TRAF3: variants seen among roughly 807,000 people sequenced by gnomAD.
The protein encoded by TRAF3 is TNF receptor-associated factor 3.
TRAF3 carries 13 observed loss-of-function variants against 62.3 expected under a neutral mutation model. That is an observed-to-expected ratio of 0.21 (90% confidence interval 0.14 to 0.33). The LOEUF is 0.33. TRAF3 is among the 10% of genes least tolerant of loss of function. The pLI is 1.00. For missense variants in TRAF3, 440 were observed against 741.8 expected (o/e 0.59, Z 4.73); for synonymous variants, 269 against 283.4 (o/e 0.95, Z 0.51).
chr14:102,789,208 AT>A (rs1178326910), intron 1 of TRAF3, among the ~76,000 whole-genome samples: 2 of 152,126 alleles, frequency 1.3e-5, no homozygotes, highest in Non-Finnish European at 2.9e-5. Context: ...GTTCCTTTTT[AT>A]TGCTGAATCA....
rs76663820 is a variant in TRAF3, at chr14:102,784,215, CTTTTTTTTTTT to C, written c.-157+6557_-157+6567del. On this transcript the variant is annotated intron_variant, in intron 1 of 11. Coordinates refer to ENST00000392745, the MANE Select transcript of TRAF3 (RefSeq NM_145725.3). Reference sequence around the variant, plus strand: ...GTTTGCTCCTGGGAAGATGCTTGGCCTTTTTTTTTTTTTTTTTTTTTTTTTTTGAGGTGGAG... The same window carrying C: ...GTTTGCTCCTGGGAAGATGCTTGGCCTTTTTTTTTTTTTTTTGAGGTGGAG... 1.4e-4 allele frequency among the ~76,000 whole-genome samples: 17 copies of C among 117,648 alleles called. No homozygotes were observed. The East Asian group carries it at 4.3e-3, about 30-fold the overall frequency. The allele number at this position is 117,648 out of a possible 152,430, so 77.2% of individuals were successfully genotyped here. A position where few individuals can be genotyped will look rare whatever the true frequency, so the allele number is the denominator to read the frequency against.
At position 102,903,095 on chromosome 14, in the gene TRAF3, G is replaced by A. The variant is rs761747604; in HGVS notation, c.961-160G>A. On this transcript the variant is annotated intron_variant, in intron 10 of 11. Coordinates refer to ENST00000392745, the MANE Select transcript of TRAF3 (RefSeq NM_145725.3). This position sits in a 1 kb window ranked among gnomAD's most constrained non-coding sequence, Gnocchi z 6.4. ...ATCCCAGGGAGCTCCCAGGAGGCCT[G>A]ATGCAGAGCCCCACTCCTGGAGTCA... 4.2e-5 allele frequency: 40 copies of A among 960,798 alleles called. No individual in the cohort carries two copies. In the African/African-American group the frequency reaches 4.8e-4, roughly 12 times the overall value. The allele number at this position is 960,798 out of a possible 1,614,324, so 59.5% of individuals were successfully genotyped here.
chr14:102,901,480 C>T (rs988165440), intron 10 of TRAF3, among the ~76,000 whole-genome samples: 3 of 152,150 alleles, frequency 2.0e-5, no homozygotes, highest in African/African-American at 7.2e-5. Flanking sequence ...GAGAGGCTTC[C>T]GGTGCTCACT....
rs144857148 is a variant in TRAF3, at chr14:102,859,808, C to T, written c.-17-10377C>T. Among the ~76,000 whole-genome samples, 870 of 152,232 alleles carry T rather than the reference C, an allele frequency of 5.7e-3. 9 individuals carry two copies. Among genetic ancestry groups the T allele is most frequent in the Admixed American group, 9.8e-3 (150 of 15,280 alleles). ...AGTAGTTGTAAGGTTTTTCCTTTGC[C>T]AGTTTCTTAATTGGATTAGTGGCTT... On this transcript the variant is annotated intron_variant, in intron 2 of 11. Coordinates refer to ENST00000392745, the MANE Select transcript of TRAF3 (RefSeq NM_145725.3).
At chr14:102,891,505 G>A in intron 9 of TRAF3, 88 bp downstream of exon 9, 1 of 1,389,526 alleles carries the variant, frequency 7.2e-7, no homozygotes, top group South Asian at 1.2e-5. Flanking sequence ...TTATTAATGG[G>A]TTTTGGATAA....
At chr14:102,884,085 T>C (rs746178939) in intron 6 of TRAF3, among the ~76,000 whole-genome samples, 1 of 152,216 alleles carries the variant, frequency 6.6e-6, no homozygotes, top group Non-Finnish European at 1.5e-5. Context: ...ATTTATCCTG[T>C]CATAGTTCTG....
intron 11 of TRAF3, among the ~76,000 whole-genome samples, chr14:102,904,548 C>T (rs376600653): frequency 1.5e-4 from 23 of 152,114 alleles, no homozygotes; most frequent in African/African-American, 9.7e-5. Flanking sequence ...CAGTGGCTCA[C>T]GCCTGTAATC....
intron 2 of TRAF3, among the ~76,000 whole-genome samples, chr14:102,844,157 G>C (rs1452520241): frequency 6.6e-6 from 1 of 152,228 alleles, no homozygotes; most frequent in Admixed American, 6.5e-5. Flanking sequence ...GTTGTCATGT[G>C]TTACCTTAAT....
At position 102,875,612 on chromosome 14, in the gene TRAF3, T is replaced by G. The variant is rs1888603054; in HGVS notation, c.298-12T>G. The G allele has an allele frequency of 6.2e-7, 1 of 1,608,712 alleles. No homozygotes were observed. The highest frequency in any genetic ancestry group is 8.5e-7 in the Non-Finnish European group (1 of 1,175,472). On this transcript the variant is annotated splice_polypyrimidine_tract_variant and intron_variant, in intron 4 of 11. Transcript: ENST00000392745. Reference sequence around the variant, plus strand: ...ATATTAATCCTCCAAAATAATGATCTTTCATTTTCAGGTGTTTAAGGATAA... The same window carrying G: ...ATATTAATCCTCCAAAATAATGATCGTTCATTTTCAGGTGTTTAAGGATAA...
At chr14:102,787,267 C>T (rs1317622232) in intron 1 of TRAF3, among the ~76,000 whole-genome samples, 1 of 152,104 alleles carries the variant, frequency 6.6e-6, no homozygotes, top group African/African-American at 2.4e-5. Context: ...TATATTTGCA[C>T]AAAAGGAACA....
At chr14:102,821,246 C>T (rs866209879) in intron 1 of TRAF3, among the ~76,000 whole-genome samples, 1 of 152,116 alleles carries the variant, frequency 6.6e-6, no homozygotes. Context: ...CTTAATGATT[C>T]AAGATTTAAT....
chr14:102,835,643 G>A (rs535121017), intron 2 of TRAF3, among the ~76,000 whole-genome samples: 21 of 152,268 alleles, frequency 1.4e-4, no homozygotes, highest in African/African-American at 4.3e-4. Flanking sequence ...CTCAGCAAAC[G>A]AATGCAGGAA....
intron 2 of TRAF3, among the ~76,000 whole-genome samples, chr14:102,862,947 G>C (rs1021107608): frequency 4.0e-5 from 6 of 151,398 alleles, no homozygotes; most frequent in Non-Finnish European, 7.4e-5. Context: ...ATTTTTGTTT[G>C]GTTCTTTTTT....
Position 102,875,644 on chromosome 14 carries a change from C to T in TRAF3, c.318C>T (p.Cys106=). Residue 106 remains cysteine, a synonymous_variant, in exon 5 of 12, where the codon TGC becomes TGT. Transcript: ENST00000392745. ...TTCAGGTGTTTAAGGATAATTGCTG[C>T]AAGAGAGAAATTCTGGCTCTTCAGA... ...VKDKVFKDNC[C]KREILALQIY... is the part of the protein sequence containing the mutation. 1 of 1,613,518 alleles carries T rather than the reference C, an allele frequency of 6.2e-7. No individual in the cohort carries two copies. Among genetic ancestry groups the T allele is most frequent in the South Asian group, 1.1e-5 (1 of 91,068 alleles).
rs186887299 is a variant in TRAF3, at chr14:102,797,929, G to C, written c.-157+20254G>C. ...AGTTTGTATTTTTAGTAGAGACAGG[G>C]TTTCACCATGTTGGTCAGGCTGGTC... On this transcript the variant is annotated intron_variant, in intron 1 of 11. Coordinates refer to ENST00000392745, the MANE Select transcript of TRAF3 (RefSeq NM_145725.3). 2.0e-5 allele frequency among the ~76,000 whole-genome samples: 3 copies of C among 152,080 alleles called. No individual in the cohort carries two copies. The East Asian group carries it at 5.8e-4, about 29-fold the overall frequency.
intron 2 of TRAF3, among the ~76,000 whole-genome samples, chr14:102,833,367 A>G (rs1885769153): frequency 6.6e-6 from 1 of 152,196 alleles, no homozygotes; most frequent in Admixed American, 6.5e-5. Context: ...TGTTTTTCCA[A>G]ATTATTGAAT....
intron 2 of TRAF3, among the ~76,000 whole-genome samples, chr14:102,840,522 C>T (rs1033065073): frequency 5.3e-5 from 8 of 152,130 alleles, no homozygotes; most frequent in African/African-American, 1.4e-4. Flanking sequence ...TGAGCCACCA[C>T]GCCTGGCCCA....
intron 11 of TRAF3, among the ~76,000 whole-genome samples, chr14:102,904,161 G>A (rs552658147): frequency 6.6e-5 from 10 of 152,222 alleles, no homozygotes; most frequent in Admixed American, 2.6e-4. Flanking sequence ...GCAGTGAGGT[G>A]TCCTTTGACA....
At chr14:102,811,004 C>T (rs1207407631) in intron 1 of TRAF3, among the ~76,000 whole-genome samples, 2 of 152,160 alleles carry the variant, frequency 1.3e-5, no homozygotes, top group Non-Finnish European at 2.9e-5. Context: ...TATGTATACC[C>T]AGAGAAAACA....
Sources: gnomAD v4.1 joint callset for allele counts (sites outside exome capture counted in the v4.1 genomes callset) on GRCh38, gnomAD v4.1.1 for gene constraint, Gnocchi (gnomAD v3.1) non-coding constraint, MANE v1.5 for transcripts, NCBI Gene and HGNC (gene_info 2026-07-23, HGNC 2026-07-21) for gene names.